Variants in RCOR1 observed in about 807,000 individuals in gnomAD.
RCOR1 encodes REST corepressor.
A neutral mutation model predicts 64.0 loss-of-function variants in RCOR1; 12 were observed. That is an observed-to-expected ratio of 0.19 (90% confidence interval 0.12 to 0.30). RCOR1 has a LOEUF of 0.30. RCOR1 is among the 10% of genes least tolerant of loss of function. The probability of loss-of-function intolerance (pLI) is 1.00; values close to 1 mark genes in which losing one functional copy is unlikely to be tolerated. For synonymous variants in RCOR1, 279 were observed against 227.2 expected (o/e 1.23, Z -2.05); for missense variants, 502 against 621.2 (o/e 0.81, Z 2.04).
chr14:102,713,373 C>CTCAGCCTCCCGCCATTCTCCTGCT, intron 7 of RCOR1, among the ~76,000 whole-genome samples: 1 of 151,238 alleles, frequency 6.6e-6, no homozygotes, highest in Non-Finnish European at 1.5e-5. Flanking sequence ...ATTCTCCTGC[C>CTCAGCCTCCCGCCATTCTCCTGCT]TCAGCCTCCC....
At position 102,714,625 on chromosome 14, in the gene RCOR1, T is replaced by G. The variant is rs570229787; in HGVS notation, c.1053+8T>G. ...GTTTCAGTCAAACGACAGGTACTCA[T>G]AAGCCTGGTCTTGGATGTAAAAGAA... is the stretch of plus-strand genomic sequence containing the variant. On this transcript the variant is annotated splice_region_variant and intron_variant, in intron 8 of 11. Transcript: ENST00000262241. The G allele has an allele frequency of 6.3e-7, 1 of 1,587,844 alleles. No homozygotes were observed. Among genetic ancestry groups the G allele is most frequent in the South Asian group, 1.1e-5 (1 of 88,724 alleles).
intron 2 of RCOR1, among the ~76,000 whole-genome samples, chr14:102,599,432 A>G (rs79226150): frequency 0.017 from 2,519 of 152,126 alleles, 58 homozygotes; most frequent in African/African-American, 0.057. Context: ...GTGTTCAGCC[A>G]TTATTATTAC....
chr14:102,634,344 C>T lies in RCOR1; in HGVS notation c.361+41019C>T, dbSNP rs188357942. On this transcript the variant is annotated intron_variant, in intron 2 of 11. Coordinates refer to ENST00000262241, the MANE Select transcript of RCOR1 (RefSeq NM_015156.4). ...GCTATATGATTATGCCACTGCACTC[C>T]ATCCTGGGTGACAGAGCAAAACCCT... Among the ~76,000 whole-genome samples the T allele has an allele frequency of 5.7e-4, 87 of 152,046 alleles. 1 individual carries two copies. The highest frequency in any genetic ancestry group is 2.0e-3 in the African/African-American group (82 of 41,410).
At chr14:102,596,947 A>G (rs1456533427) in intron 2 of RCOR1, among the ~76,000 whole-genome samples, 1 of 146,406 alleles carries the variant, frequency 6.8e-6, no homozygotes, top group East Asian at 2.0e-4. Context: ...ATCTTGACTC[A>G]CTGCAACCTC....
intron 2 of RCOR1, among the ~76,000 whole-genome samples, chr14:102,667,122 C>G (rs1894929193): frequency 6.6e-6 from 1 of 152,022 alleles, no homozygotes; most frequent in Non-Finnish European, 1.5e-5. Flanking sequence ...ATCAGTTGAG[C>G]CCAGGAGTTT....
At chr14:102,645,442 C>T (rs1424698904) in intron 2 of RCOR1, among the ~76,000 whole-genome samples, 1 of 152,028 alleles carries the variant, frequency 6.6e-6, no homozygotes, top group Admixed American at 6.6e-5. Context: ...TTCTAAAGGC[C>T]ACATTTTCCA....
At chr14:102,622,810 C>T (rs760574105) in intron 2 of RCOR1, among the ~76,000 whole-genome samples, 6 of 152,078 alleles carry the variant, frequency 3.9e-5, no homozygotes. Flanking sequence ...CTTTTCTTCT[C>T]GCCTCCCTAA....
intron 2 of RCOR1, among the ~76,000 whole-genome samples, chr14:102,639,497 TTTTATTTATTTA>T (rs3069233): frequency 0.032 from 4,305 of 135,364 alleles, 112 homozygotes; most frequent in African/African-American, 0.076. Context: ...ATTTTTTAAT[TTTTATTTATTTA>T]TTTATTTATT....
At chr14:102,721,662 T>A (rs1262797882) in intron 10 of RCOR1, 5 of 282,284 alleles carry the variant, frequency 1.8e-5, no homozygotes, top group Non-Finnish European at 3.3e-5. Context: ...TCTTGGACAA[T>A]TATGTCCTAG....
chr14:102,648,506 A>G (rs1894520040), intron 2 of RCOR1, among the ~76,000 whole-genome samples: 1 of 152,244 alleles, frequency 6.6e-6, no homozygotes, highest in Non-Finnish European at 1.5e-5. Context: ...AGTGGAGAAT[A>G]GTATTATAGA....
At chr14:102,618,695 T>C (rs1398775544) in intron 2 of RCOR1, among the ~76,000 whole-genome samples, 2 of 152,240 alleles carry the variant, frequency 1.3e-5, no homozygotes, top group South Asian at 2.1e-4. Context: ...AAAATAACTT[T>C]GTATATTAGA....
intron 2 of RCOR1, among the ~76,000 whole-genome samples, chr14:102,610,447 T>C (rs566434480): frequency 4.6e-4 from 70 of 152,264 alleles, no homozygotes; most frequent in Admixed American, 1.3e-3. Flanking sequence ...AGCTAGTAGG[T>C]GCCATATTGG....
chr14:102,683,655 G>A (rs1014583981), intron 3 of RCOR1, among the ~76,000 whole-genome samples: 12 of 152,230 alleles, frequency 7.9e-5, no homozygotes, highest in African/African-American at 2.7e-4. Context: ...TCTCCTCTGG[G>A]GGCGCGCTGA....
At chr14:102,681,564 G>C (rs1009497702) in intron 2 of RCOR1, among the ~76,000 whole-genome samples, 4 of 152,204 alleles carry the variant, frequency 2.6e-5, no homozygotes, top group Admixed American at 6.5e-5. Flanking sequence ...GGCAGAGAAG[G>C]GTAAGGGTGC....
intron 3 of RCOR1, among the ~76,000 whole-genome samples, chr14:102,689,766 CAG>C (rs757431944): frequency 1.3e-5 from 2 of 152,096 alleles, no homozygotes; most frequent in African/African-American, 2.4e-5. Context: ...TTTTTTGAGA[CAG>C]AGTCTCGCAC....
chr14:102,672,827 C>T (rs1895056422), intron 2 of RCOR1, among the ~76,000 whole-genome samples: 1 of 152,198 alleles, frequency 6.6e-6, no homozygotes, highest in Non-Finnish European at 1.5e-5. Flanking sequence ...AATTGCTGTT[C>T]TGCTCCCAAA....
chr14:102,695,498 AAAAGAAGG>A (rs1211887205), intron 3 of RCOR1: 2 of 152,084 alleles, frequency 1.3e-5, no homozygotes, highest in South Asian at 2.1e-4. Context: ...GGTCTTTTTT[AAAAGAAGG>A]AAAGGAGGGA....
intron 2 of RCOR1, among the ~76,000 whole-genome samples, chr14:102,596,253 C>T (rs1893244406): frequency 6.6e-6 from 1 of 152,080 alleles, no homozygotes; most frequent in Non-Finnish European, 1.5e-5. Flanking sequence ...AGGCATGCGC[C>T]ACCATGCCTG....
chr14:102,683,374 G>T (rs1895344842), intron 3 of RCOR1, among the ~76,000 whole-genome samples: 1 of 152,146 alleles, frequency 6.6e-6, no homozygotes, highest in Non-Finnish European at 1.5e-5. Context: ...ACGGACCCTT[G>T]TCCTGGAATT....
Sources: gnomAD v4.1 joint callset for allele counts (sites outside exome capture counted in the v4.1 genomes callset) on GRCh38, gnomAD v4.1.1 for gene constraint, MANE v1.5 for transcripts, NCBI Gene and HGNC (gene_info 2026-07-23, HGNC 2026-07-21) for gene names.